CERK: variants seen among roughly 807,000 people sequenced by gnomAD.
The protein encoded by CERK is acylsphingosine kinase.
A neutral mutation model predicts 63.4 loss-of-function variants in CERK; 39 were observed. The ratio of observed to expected loss-of-function variants is 0.61; its 90% CI spans 0.48 to 0.80. The LOEUF (loss-of-function observed/expected upper bound fraction) is 0.80, where lower values mean the gene tolerates loss of function less well. Among genes scored for constraint, CERK ranks in the 30% least tolerant of loss-of-function variants. The pLI is 0.00. For missense variants in CERK, 670 were observed against 714.1 expected (o/e 0.94, Z 0.70); for synonymous variants, 302 against 280.0 (o/e 1.08, Z -0.78).
rs115166850 is a variant in CERK, at chr22:46,715,557, G to A, written c.380-3264C>T. On this transcript the variant is annotated intron_variant, in intron 3 of 12. Transcript: ENST00000216264. ...AATACTAGGTTGGGCACAGTGGTTC[G>A]TGCCTGTAGTCCCAGCTACTTGGGA... Among the ~76,000 whole-genome samples, 1,075 of 152,268 alleles carry A rather than the reference G, an allele frequency of 7.1e-3. 14 individuals are homozygous for A. The highest frequency in any genetic ancestry group is 0.023 in the African/African-American group (963 of 41,558).
chr22:46,721,303 A>AT (rs547428951), intron 1 of CERK, among the ~76,000 whole-genome samples: 13 of 151,656 alleles, frequency 8.6e-5, no homozygotes, highest in East Asian at 3.9e-4. Flanking sequence ...ATATATATAT[A>AT]TTTTTTTGAG....
At chr22:46,720,723 G>C (rs528924988) in intron 2 of CERK, among the ~76,000 whole-genome samples, 179 bp downstream of exon 2, 2 of 152,050 alleles carry the variant, frequency 1.3e-5, no homozygotes, top group Non-Finnish European at 2.9e-5. Context: ...AAAATAAGGG[G>C]AAAAATGACC....
At chr22:46,737,302 A>AAAC (rs1216736470) in intron 1 of CERK, among the ~76,000 whole-genome samples, 2 of 119,288 alleles carry the variant, frequency 1.7e-5, no homozygotes, top group African/African-American at 5.8e-5. Context: ...AAAAAAAAAA[A>AAAC]AAAACAAAAA....
intron 1 of CERK, among the ~76,000 whole-genome samples, chr22:46,723,838 T>C (rs949495699): frequency 3.9e-5 from 6 of 151,944 alleles, no homozygotes; most frequent in Admixed American, 2.6e-4. Flanking sequence ...GCTGGGATTA[T>C]AGGCGCCTGC....
At chr22:46,697,735 C>T (rs757547066) in intron 8 of CERK, among the ~76,000 whole-genome samples, 4 of 152,192 alleles carry the variant, frequency 2.6e-5, no homozygotes, top group Admixed American at 6.5e-5. Context: ...GAACTCCTGA[C>T]CTCAGGTGAT....
At chr22:46,691,888 G>C in intron 10 of CERK, 111 bp from the exon 11 acceptor site, 2 of 701,026 alleles carry the variant, frequency 2.9e-6, no homozygotes, top group Non-Finnish European at 2.4e-6. Context: ...GCATTTAGCA[G>C]ACACTTCATG....
chr22:46,686,960 A>T lies in CERK; in HGVS notation c.*174T>A. The T allele has an allele frequency of 1.6e-6, 1 of 636,970 alleles. No individual in the cohort carries two copies. Among genetic ancestry groups the T allele is most frequent in the Admixed American group, 2.8e-5 (1 of 35,434 alleles). 39.5% of individuals were successfully genotyped at this position (636,970 alleles called of 1,614,324 possible). On this transcript the variant is annotated 3_prime_UTR_variant, in exon 13 of 13. Transcript: ENST00000216264. ...AACCCGCAGATGCGTACAGAACTGAAAATGCCAAATATGTACACAAAATTG... is the reference window on the plus strand; with the variant it reads ...AACCCGCAGATGCGTACAGAACTGATAATGCCAAATATGTACACAAAATTG...
At chr22:46,733,180 C>T (rs1290500358) in intron 1 of CERK, among the ~76,000 whole-genome samples, 1 of 140,052 alleles carries the variant, frequency 7.1e-6, no homozygotes, top group Non-Finnish European at 1.5e-5. Context: ...TGCACTCCAG[C>T]CCTGGGCGAC....
chr22:46,738,152 C>T lies in CERK; in HGVS notation c.-4G>A, dbSNP rs2082985574. ...CCGCCGCCCCCGTCGCCCCCATCTC[C>T]GCCGCCGGGCTCGTCCGCCAGGCTG... On this transcript the variant is annotated 5_prime_UTR_variant, in exon 1 of 13. Transcript: ENST00000216264. 8.5e-7 allele frequency: 1 copy of T among 1,181,490 alleles called. No individual in the cohort carries two copies. The highest frequency in any genetic ancestry group is 4.7e-5 in the Admixed American group (1 of 21,322). The allele number at this position is 1,181,490 out of a possible 1,614,324, so 73.2% of individuals were successfully genotyped here.
chr22:46,707,955 G>C lies in CERK; in HGVS notation c.603C>G (p.Ser201Arg), dbSNP rs748269257. 6.6e-5 allele frequency: 107 copies of C among 1,612,630 alleles called. No homozygotes were observed. Among genetic ancestry groups the C allele is most frequent in the Non-Finnish European group, 8.6e-5 (102 of 1,179,404 alleles). Residue 201 changes from serine to arginine, a missense_variant, in exon 6 of 13, where the codon AGC becomes AGG. Ser to Arg is a moderately radical substitution (Grantham distance 110). Transcript: ENST00000216264. ...IVCVGGDGMF[S>R]EVLHGLIGRT... ...TCCCAATCAGACCGTGCAGCACCTC[G>C]CTGAACATACCATCTCCGCCGACAC...
intron 3 of CERK, among the ~76,000 whole-genome samples, chr22:46,713,036 G>A (rs1209202732): frequency 6.6e-6 from 1 of 151,000 alleles, no homozygotes; most frequent in Non-Finnish European, 1.5e-5. Context: ...AGTAGAGATG[G>A]GGTTTCACCG....
chr22:46,686,791 A>G lies in CERK; in HGVS notation c.*343T>C. On this transcript the variant is annotated 3_prime_UTR_variant, in exon 13 of 13. Coordinates refer to ENST00000216264, the MANE Select transcript of CERK (RefSeq NM_022766.6). Reference sequence around the variant, plus strand: ...GCCCAGATGGTGTGACCTGCGTGGAAATCATATAATGTCCCTAACATTATT... The same window carrying G: ...GCCCAGATGGTGTGACCTGCGTGGAGATCATATAATGTCCCTAACATTATT... 4.3e-6 allele frequency: 1 copy of G among 234,112 alleles called. No individual in the cohort carries two copies. Among genetic ancestry groups the G allele is most frequent in the South Asian group, 6.4e-5 (1 of 15,622 alleles). 14.5% of individuals were successfully genotyped at this position (234,112 alleles called of 1,614,324 possible).
chr22:46,712,308 C>G lies in CERK; in HGVS notation c.380-15G>C, dbSNP rs753716866. The G allele has an allele frequency of 6.2e-7, 1 of 1,610,822 alleles. No homozygotes were observed. The highest frequency in any genetic ancestry group is 8.5e-7 in the Non-Finnish European group (1 of 1,178,616). On this transcript the variant is annotated splice_polypyrimidine_tract_variant and intron_variant, in intron 3 of 12. Transcript: ENST00000216264. ...TGGTCTGGACGCTGTAAGACAACAA[C>G]ATGTAAATAACAACGAAAATAACAA...
intron 1 of CERK, among the ~76,000 whole-genome samples, chr22:46,736,998 T>C (rs1040087884): frequency 5.3e-5 from 8 of 151,822 alleles, no homozygotes; most frequent in Admixed American, 5.2e-4. Flanking sequence ...ACCCCAATAA[T>C]TAAAAAGAAA....
At chr22:46,703,395 C>T (rs2082797268) in intron 6 of CERK, among the ~76,000 whole-genome samples, 1 of 152,086 alleles carries the variant, frequency 6.6e-6, no homozygotes, top group African/African-American at 2.4e-5. Context: ...GTGACCTCTG[C>T]ACCTTCTAGC....
intron 3 of CERK, among the ~76,000 whole-genome samples, chr22:46,715,849 G>T (rs1569326396): frequency 6.6e-6 from 1 of 152,178 alleles, no homozygotes; most frequent in African/African-American, 2.4e-5. Flanking sequence ...AGTAGACAAA[G>T]ATATCTTCAA....
chr22:46,736,342 G>A (rs372954105), intron 1 of CERK, among the ~76,000 whole-genome samples: 2 of 152,230 alleles, frequency 1.3e-5, no homozygotes, highest in Non-Finnish European at 2.9e-5. Context: ...GCGTCTCTGC[G>A]GCGGCTGGAG....
intron 1 of CERK, among the ~76,000 whole-genome samples, chr22:46,733,718 C>G (rs1444645002): frequency 1.3e-5 from 2 of 151,954 alleles, no homozygotes; most frequent in Non-Finnish European, 2.9e-5. Flanking sequence ...TTTTCCCATT[C>G]CAATATTATA....
chr22:46,711,444 T>C (rs1182046693), intron 4 of CERK, among the ~76,000 whole-genome samples: 2 of 152,224 alleles, frequency 1.3e-5, no homozygotes, highest in Admixed American at 1.3e-4. Context: ...TCTTTTATAA[T>C]TTTTCCTTAT....
Sources: allele counts gnomAD v4.1 joint callset (sites outside exome capture counted in the v4.1 genomes callset), GRCh38; gene constraint gnomAD v4.1.1; transcripts MANE v1.5; gene names NCBI Gene and HGNC (gene_info 2026-07-23, HGNC 2026-07-21).